The following SGCZ variants were observed in gnomAD, a reference collection of about 807,000 sequenced individuals.
SGCZ encodes the protein sarcoglycan zeta.
Under a neutral mutation model 41.3 loss-of-function variants are expected in SGCZ, and 40 were observed. The observed-to-expected ratio is 0.97, with a 90% confidence interval of 0.75 to 1.26. SGCZ has a LOEUF of 1.26. SGCZ is among the 50% of genes most tolerant of loss of function. The probability of loss-of-function intolerance (pLI) is 0.00; values close to 1 mark genes in which losing one functional copy is unlikely to be tolerated. For synonymous variants in SGCZ, 206 were observed against 137.5 expected (o/e 1.50, Z -3.49); for missense variants, 552 against 369.8 (o/e 1.49, Z -4.04).
intron 2 of SGCZ, among the ~76,000 whole-genome samples, chr8:14,479,727 ACTTCTTTTTTTTTT>A (rs374709177): frequency 0.43 from 46,667 of 109,308 alleles, 7,545 homozygotes; most frequent in South Asian, 0.55. Context: ...CCAGAATTCT[ACTTCTTTTTTTTTT>A]TTTTTTTTTT....
intron 1 of SGCZ, among the ~76,000 whole-genome samples, chr8:14,822,132 C>G (rs1033672714): frequency 6.6e-6 from 1 of 150,574 alleles, no homozygotes; most frequent in African/African-American, 2.5e-5. Context: ...TAAATAAATT[C>G]AGTTAAGTTT....
chr8:14,385,977 C>A (rs566001796), intron 2 of SGCZ, among the ~76,000 whole-genome samples: 29 of 152,104 alleles, frequency 1.9e-4, no homozygotes, highest in Non-Finnish European at 2.5e-4. Flanking sequence ...ATACCAAATA[C>A]AATGTAAATA....
rs140557093 is a variant in SGCZ at position 14,369,719 on chromosome 8, C to T, written c.235-45515G>A. 8.6e-5 allele frequency among the ~76,000 whole-genome samples: 13 copies of T among 151,826 alleles called. No homozygotes were observed. In the East Asian group the frequency reaches 2.3e-3, roughly 27 times the overall value. ...ACAAAAAGTAATGATTTTTCTAACA[C>T]CATTTTTTCTTCTGCATTTACTTCT... On this transcript the variant is annotated intron_variant, in intron 2 of 7. Coordinates refer to ENST00000382080, the MANE Select transcript of SGCZ (RefSeq NM_139167.4).
At chr8:14,847,509 A>G (rs1020034501) in intron 1 of SGCZ, among the ~76,000 whole-genome samples, 2 of 50,830 alleles carry the variant, frequency 3.9e-5, no homozygotes, top group Non-Finnish European at 1.1e-4. Context: ...ATTAACAAGT[A>G]AAAAAAAAGG....
At chr8:15,183,260 C>T (rs1001470105) in intron 1 of SGCZ, among the ~76,000 whole-genome samples, 1 of 152,228 alleles carries the variant, frequency 6.6e-6, no homozygotes, top group African/African-American at 2.4e-5. Flanking sequence ...GTATTATATA[C>T]TGTACATAAT....
Position 14,085,609 on chromosome 8 carries a change from A to G in SGCZ, c.*4834T>C, listed in dbSNP as rs541608618. ...CAAGTATTTCAAATTTTATTCTCCA[A>G]ATAGTGTTCAGCAAGCAGTGAAAGT... On this transcript the variant is annotated 3_prime_UTR_variant, in exon 8 of 8. Coordinates refer to ENST00000382080, the MANE Select transcript of SGCZ (RefSeq NM_139167.4). Among the ~76,000 whole-genome samples the G allele has an allele frequency of 3.6e-4, 54 of 151,916 alleles. No homozygotes were observed. Among genetic ancestry groups the G allele is most frequent in the African/African-American group, 1.2e-3 (51 of 41,530 alleles).
rs137951278 is a variant in SGCZ, at chr8:14,999,849, T to C, written c.39+237736A>G. On this transcript the variant is annotated intron_variant, in intron 1 of 7. Transcript: ENST00000382080. ...ACAGCAAAAAGTTAAAATCAGATGG[T>C]TAGCAGGATGAGCATCCTGTTTTAG... is the stretch of plus-strand genomic sequence containing the variant. 5.9e-5 allele frequency among the ~76,000 whole-genome samples: 9 copies of C among 152,312 alleles called. No homozygotes were observed. In the South Asian group the frequency reaches 8.3e-4, roughly 14 times the overall value.
At chr8:14,278,737 T>G (rs1800318488) in intron 3 of SGCZ, among the ~76,000 whole-genome samples, 2 of 152,120 alleles carry the variant, frequency 1.3e-5, no homozygotes, top group African/African-American at 4.8e-5. Context: ...ACCAAACACT[T>G]AGGTTAATAA....
At chr8:14,545,020 C>G (rs7822573) in intron 2 of SGCZ, among the ~76,000 whole-genome samples, 2 of 152,204 alleles carry the variant, frequency 1.3e-5, no homozygotes, top group Middle Eastern at 3.4e-3. Context: ...GAAACTCAGG[C>G]GAGCATCAAG....
At chr8:14,400,809 T>A (rs1011928459) in intron 2 of SGCZ, among the ~76,000 whole-genome samples, 1 of 152,146 alleles carries the variant, frequency 6.6e-6, no homozygotes, top group Admixed American at 6.6e-5. Context: ...AAAAAAGAAT[T>A]GAATCCATAG....
At chr8:14,952,672 T>G (rs1222794737) in intron 1 of SGCZ, among the ~76,000 whole-genome samples, 1 of 152,182 alleles carries the variant, frequency 6.6e-6, no homozygotes, top group Non-Finnish European at 1.5e-5. Context: ...TCTCTGTGAC[T>G]TTGGCCTCAT....
Position 14,710,210 on chromosome 8 carries a change from C to CA in SGCZ, c.40-155285dup, listed in dbSNP as rs35705497. Among the ~76,000 whole-genome samples, 145 of 147,178 alleles carry CA rather than the reference C, an allele frequency of 9.9e-4. 1 individual carries two copies. The South Asian group carries it at 0.014, about 14-fold the overall frequency. The stretch of plus-strand genomic sequence containing the variant: ...GAAACCCCGTCTCTACTAAAAAAAA[C>CA]AAAAAAAAAATTAGCAGGGCGTGGT... On this transcript the variant is annotated intron_variant, in intron 1 of 7. Coordinates refer to ENST00000382080, the MANE Select transcript of SGCZ (RefSeq NM_139167.4).
chr8:15,216,480 A>T (rs190705309), intron 1 of SGCZ, among the ~76,000 whole-genome samples: 26 of 152,132 alleles, frequency 1.7e-4, no homozygotes, highest in Non-Finnish European at 2.9e-4. Context: ...TGGGGCTCCC[A>T]AAGTGCTGGG....
intron 1 of SGCZ, among the ~76,000 whole-genome samples, chr8:15,100,169 T>G (rs1158298742): frequency 1.3e-5 from 2 of 152,146 alleles, no homozygotes; most frequent in African/African-American, 2.4e-5. Context: ...GACCCTTGAA[T>G]TTTCGGATGA....
At chr8:14,786,816 G>T (rs541735669) in intron 1 of SGCZ, among the ~76,000 whole-genome samples, 2 of 147,966 alleles carry the variant, frequency 1.4e-5, no homozygotes, top group Non-Finnish European at 3.0e-5. Context: ...TTTACAAGGA[G>T]TGGAAGAGTT....
At chr8:14,134,505 T>A (rs994466958) in intron 5 of SGCZ, among the ~76,000 whole-genome samples, 4 of 152,228 alleles carry the variant, frequency 2.6e-5, no homozygotes, top group Non-Finnish European at 5.9e-5. Flanking sequence ...TGTAATTTCC[T>A]GTGTCTGAGG....
At chr8:14,924,369 G>A (rs2130795765) in intron 1 of SGCZ, among the ~76,000 whole-genome samples, 1 of 152,210 alleles carries the variant, frequency 6.6e-6, no homozygotes, top group African/African-American at 2.4e-5. Context: ...AGAATAAAAT[G>A]TTTTCCTACA....
intron 1 of SGCZ, among the ~76,000 whole-genome samples, chr8:15,216,489 G>T (rs949094771): frequency 6.6e-6 from 1 of 151,968 alleles, no homozygotes; most frequent in East Asian, 2.0e-4. Context: ...CAAAGTGCTG[G>T]GATTACAGGC....
At chr8:15,154,313 G>C (rs1391624223) in intron 1 of SGCZ, among the ~76,000 whole-genome samples, 1 of 152,200 alleles carries the variant, frequency 6.6e-6, no homozygotes, top group Non-Finnish European at 1.5e-5. Context: ...GTCACCTAAA[G>C]CAGCAGACCC....
Sources: gnomAD v4.1 joint callset for allele counts (sites outside exome capture counted in the v4.1 genomes callset) on GRCh38, gnomAD v4.1.1 for gene constraint, MANE v1.5 for transcripts, NCBI Gene and HGNC (gene_info 2026-07-23, HGNC 2026-07-21) for gene names.